The following TAF4B variants were observed in gnomAD, a reference collection of about 807,000 sequenced individuals.
The protein encoded by TAF4B is TATA-box binding protein associated factor 4b.
TAF4B carries 38 observed loss-of-function variants against 86.4 expected under a neutral mutation model. That is an observed-to-expected ratio of 0.44 (90% CI 0.34 to 0.58). The LOEUF is 0.58. Among genes scored for constraint, TAF4B ranks in the 20% least tolerant of loss-of-function variants. The pLI is 0.02. For synonymous variants in TAF4B, 388 were observed against 391.2 expected, an observed-to-expected ratio of 0.99 and a Z score of 0.10; for missense variants, 988 against 1,027.6, an observed-to-expected ratio of 0.96 and a Z score of 0.53.
chr18:26,314,944 T>C (rs1014796397), intron 9 of TAF4B, among the ~76,000 whole-genome samples: 1 of 152,138 alleles, frequency 6.6e-6, no homozygotes, highest in Non-Finnish European at 1.5e-5. Flanking sequence ...ATCCTTCTGT[T>C]ATTAAATATA....
chr18:26,342,371 G>A (rs2057143534), intron 13 of TAF4B, among the ~76,000 whole-genome samples: 1 of 152,078 alleles, frequency 6.6e-6, no homozygotes, highest in Non-Finnish European at 1.5e-5. Context: ...CCTGTTAAAT[G>A]TGCCCCTGTT....
At chr18:26,330,627 T>TTA (rs1273919905) in intron 12 of TAF4B, among the ~76,000 whole-genome samples, 11 of 152,270 alleles carry the variant, frequency 7.2e-5, no homozygotes, top group East Asian at 5.8e-4. Context: ...ATGTACACGT[T>TTA]TATATATATA....
intron 7 of TAF4B, among the ~76,000 whole-genome samples, chr18:26,286,990 C>T (rs1053079798): frequency 6.6e-6 from 1 of 152,100 alleles, no homozygotes; most frequent in African/African-American, 2.4e-5. Context: ...CGCCCAGCAG[C>T]AAACACACAC....
At chr18:26,249,398 T>G (rs967847399) in intron 1 of TAF4B, among the ~76,000 whole-genome samples, 1 of 151,914 alleles carries the variant, frequency 6.6e-6, no homozygotes, top group Non-Finnish European at 1.5e-5. Context: ...TGAGAATCGC[T>G]TGAACCCAGG....
intron 11 of TAF4B, among the ~76,000 whole-genome samples, chr18:26,322,797 C>CT (rs771347825): frequency 3.0e-4 from 45 of 150,554 alleles, no homozygotes; most frequent in Non-Finnish European, 5.5e-4. Flanking sequence ...GTTTGCTCTT[C>CT]TTTTTTTTTA....
chr18:26,259,297 T>A (rs913528958), intron 1 of TAF4B, among the ~76,000 whole-genome samples: 14 of 152,054 alleles, frequency 9.2e-5, no homozygotes, highest in Admixed American at 2.6e-4. Context: ...CTTTTTTTTT[T>A]ATTATACTTT....
At chr18:26,335,273 G>T in intron 13 of TAF4B, 42 bp downstream of exon 13, 2 of 1,570,244 alleles carry the variant, frequency 1.3e-6, no homozygotes, top group East Asian at 4.5e-5. Flanking sequence ...GTGTTTGAGG[G>T]AAGGTTGGCA....
intron 1 of TAF4B, among the ~76,000 whole-genome samples, chr18:26,229,503 T>C (rs1366345393): frequency 1.3e-5 from 2 of 150,198 alleles, no homozygotes; most frequent in African/African-American, 4.9e-5. Flanking sequence ...TCTTTTTTTT[T>C]TTTTTTTTTC....
chr18:26,375,482 C>T (rs937593980), intron 14 of TAF4B, among the ~76,000 whole-genome samples: 3 of 152,134 alleles, frequency 2.0e-5, no homozygotes, highest in African/African-American at 7.2e-5. Context: ...TGCCAAACTG[C>T]TTTCCATAGC....
intron 14 of TAF4B, among the ~76,000 whole-genome samples, chr18:26,378,304 A>G (rs1051789960): frequency 1.3e-5 from 2 of 152,202 alleles, no homozygotes; most frequent in Non-Finnish European, 2.9e-5. Context: ...TTTCAGTAAT[A>G]TTTATAAAAT....
chr18:26,342,127 A>C (rs1368602083), intron 13 of TAF4B, among the ~76,000 whole-genome samples: 2 of 152,110 alleles, frequency 1.3e-5, no homozygotes, highest in South Asian at 4.1e-4. Context: ...ATGTGTACTT[A>C]ACGTTAATTG....
intron 1 of TAF4B, among the ~76,000 whole-genome samples, chr18:26,242,184 G>A (rs964433020): frequency 6.6e-6 from 1 of 152,126 alleles, no homozygotes; most frequent in African/African-American, 2.4e-5. Flanking sequence ...TGACAGTGGG[G>A]TGTTAAAGTC....
intron 3 of TAF4B, 126 bp from the exon 4 acceptor site, chr18:26,274,537 T>G (rs2056359406): frequency 9.9e-7 from 1 of 1,006,300 alleles, no homozygotes; most frequent in Non-Finnish European, 1.5e-6. Context: ...TATATTGCCT[T>G]AGACTACTAG....
At chr18:26,229,109 T>C (rs1261774949) in intron 1 of TAF4B, among the ~76,000 whole-genome samples, 1 of 152,210 alleles carries the variant, frequency 6.6e-6, no homozygotes, top group African/African-American at 2.4e-5. Context: ...CAGAGAACTT[T>C]AGATTCCAGT....
rs1301150502 is a variant in TAF4B, at chr18:26,327,505, A to T, written c.2259+365A>T. 1.3e-5 allele frequency among the ~76,000 whole-genome samples: 2 copies of T among 152,196 alleles called. 1 individual carries two copies. Among genetic ancestry groups the T allele is most frequent in the South Asian group, 4.1e-4 (2 of 4,828 alleles). On this transcript the variant is annotated intron_variant, in intron 12 of 14. Coordinates refer to ENST00000269142, the MANE Select transcript of TAF4B (RefSeq NM_005640.3). ...AGGAAGGTTATGGGTAAAATTAGTAATTTGGATTTTGTGGAACAAAATACA... is the reference window on the plus strand; with the variant it reads ...AGGAAGGTTATGGGTAAAATTAGTATTTTGGATTTTGTGGAACAAAATACA...
intron 12 of TAF4B, among the ~76,000 whole-genome samples, chr18:26,334,144 G>A (rs570512782): frequency 4.0e-4 from 61 of 151,852 alleles, no homozygotes; most frequent in Non-Finnish European, 7.8e-4. Flanking sequence ...AGTAGATTGG[G>A]GACTAAAATG....
At chr18:26,341,822 C>G (rs2057139274) in intron 13 of TAF4B, among the ~76,000 whole-genome samples, 1 of 152,044 alleles carries the variant, frequency 6.6e-6, no homozygotes, top group Non-Finnish European at 1.5e-5. Context: ...ATAAGGTGGA[C>G]TGGTGATTTT....
chr18:26,251,118 G>A (rs138408283), intron 1 of TAF4B, among the ~76,000 whole-genome samples: 1 of 152,224 alleles, frequency 6.6e-6, no homozygotes, highest in African/African-American at 2.4e-5. Flanking sequence ...AATGAGAGTG[G>A]GCTTATTCTG....
At chr18:26,279,545 CAAA>C (rs375937630) in intron 5 of TAF4B, among the ~76,000 whole-genome samples, 7 of 113,530 alleles carry the variant, frequency 6.2e-5, no homozygotes, top group Non-Finnish European at 9.8e-5. Context: ...CAATTAGAAG[CAAA>C]AAAAAAAAAA....
Sources: gnomAD v4.1 joint callset for allele counts (sites outside exome capture counted in the v4.1 genomes callset) on GRCh38, gnomAD v4.1.1 for gene constraint, MANE v1.5 for transcripts, NCBI Gene and HGNC (gene_info 2026-07-23, HGNC 2026-07-21) for gene names.